The following LCMT1 variants were observed in gnomAD, a reference collection of about 807,000 sequenced individuals.
LCMT1 encodes the protein leucine carboxyl methyltransferase 1.
In LCMT1, 32 loss-of-function variants were observed where a neutral mutation model predicts 47.7. The ratio of observed to expected loss-of-function variants is 0.67; its 90% CI spans 0.51 to 0.90. The LOEUF (loss-of-function observed/expected upper bound fraction) is 0.90. Among genes scored for constraint, LCMT1 ranks in the 40% least tolerant of loss-of-function variants. The pLI is 0.00. For synonymous variants in LCMT1, 152 were observed against 149.7 expected (o/e 1.02, Z -0.11); for missense variants, 375 against 415.2 (o/e 0.90, Z 0.84).
intron 6 of LCMT1, among the ~76,000 whole-genome samples, chr16:25,163,358 A>T (rs1258986015): frequency 6.6e-6 from 1 of 151,608 alleles, no homozygotes; most frequent in Non-Finnish European, 1.5e-5. Context: ...AGTCCCAGCT[A>T]CTCGGGAGGC....
intron 4 of LCMT1, chr16:25,142,012 G>A (rs974232134): frequency 9.2e-5 from 14 of 152,256 alleles, no homozygotes; most frequent in African/African-American, 3.4e-4. Context: ...GGGACTTAAA[G>A]TACCTAACAT....
rs773868778 is a variant in LCMT1 at position 25,132,479 on chromosome 16, G to A, written c.283G>A (p.Val95Ile). Residue 95 changes from valine to isoleucine, a missense_variant, in exon 3 of 11, where the codon GTC becomes ATC. By Grantham distance (29) the Val-to-Ile change is conservative. Transcript: ENST00000399069. ...LRKTECHCQI[V>I]NLGAGMDTTF... ...GAAGACAGAATGTCATTGTCAAATT[G>A]TCAACCTTGGGGCAGGCATGGATAC... is the stretch of plus-strand genomic sequence containing the variant. The A allele has an allele frequency of 3.7e-6, 6 of 1,613,886 alleles. No homozygotes were observed. Among genetic ancestry groups the A allele is most frequent in the African/African-American group, 1.3e-5 (1 of 75,008 alleles).
chr16:25,162,194 G>A (rs1208200152), intron 6 of LCMT1, among the ~76,000 whole-genome samples: 4 of 152,130 alleles, frequency 2.6e-5, no homozygotes, highest in Admixed American at 6.5e-5. Flanking sequence ...TCTGGGAACC[G>A]AGTCCAGCTG....
intron 2 of LCMT1, among the ~76,000 whole-genome samples, 198 bp downstream of exon 2, chr16:25,128,764 A>C (rs372599196): frequency 1.3e-5 from 2 of 151,556 alleles, no homozygotes; most frequent in East Asian, 2.0e-4. Flanking sequence ...CTTTGCAGGG[A>C]CATGGATGAA....
At chr16:25,146,822 CCTT>C (rs1414077702) in intron 4 of LCMT1, 3 of 152,196 alleles carry the variant, frequency 2.0e-5, no homozygotes, top group Non-Finnish European at 4.4e-5. Context: ...ACTGGGATCT[CCTT>C]CTTTCTCTGG....
intron 6 of LCMT1, among the ~76,000 whole-genome samples, chr16:25,161,597 C>T (rs750483892): frequency 6.6e-6 from 1 of 152,038 alleles, no homozygotes; most frequent in Non-Finnish European, 1.5e-5. Flanking sequence ...TCAGGTGATC[C>T]GCCTGCCTTG....
At chr16:25,160,053 C>T (rs772223691) in intron 5 of LCMT1, among the ~76,000 whole-genome samples, 1 of 151,724 alleles carries the variant, frequency 6.6e-6, no homozygotes, top group African/African-American at 2.4e-5. Context: ...GCAACCTCCG[C>T]TTCCCAGGTT....
chr16:25,138,801 C>G (rs1960581233), intron 3 of LCMT1, among the ~76,000 whole-genome samples: 1 of 152,204 alleles, frequency 6.6e-6, no homozygotes, highest in Non-Finnish European at 1.5e-5. Context: ...CTTATTGTTA[C>G]AGCTCACAAG....
chr16:25,173,345 A>AT (rs1961829957), intron 9 of LCMT1, among the ~76,000 whole-genome samples: 1 of 152,128 alleles, frequency 6.6e-6, no homozygotes, highest in Non-Finnish European at 1.5e-5. Context: ...ATGGTACTGG[A>AT]TTTTTCTAGA....
intron 1 of LCMT1, among the ~76,000 whole-genome samples, chr16:25,116,897 CA>C (rs889909065): frequency 6.6e-6 from 1 of 150,684 alleles, no homozygotes; most frequent in Non-Finnish European, 1.5e-5. Flanking sequence ...TCTCAGAAAA[CA>C]AAAAAAAGAG....
At chr16:25,142,972 A>C (rs1037086703) in intron 4 of LCMT1, 5 of 152,130 alleles carry the variant, frequency 3.3e-5, no homozygotes, top group African/African-American at 7.2e-5. Context: ...AGTGGTCAGG[A>C]TCACCCAGTA....
At chr16:25,143,656 G>A (rs1053012412) in intron 4 of LCMT1, 1 of 152,210 alleles carries the variant, frequency 6.6e-6, no homozygotes, top group Admixed American at 6.5e-5. Flanking sequence ...TCCCAGATAA[G>A]TTCCCCTGTG....
At chr16:25,164,509 C>CCTGAGTTCCCTGGG in intron 6 of LCMT1, 89 bp from the exon 7 acceptor site, 1 of 1,521,924 alleles carries the variant, frequency 6.6e-7, no homozygotes, top group Non-Finnish European at 9.0e-7. Flanking sequence ...GGGCATGGAC[C>CCTGAGTTCCCTGGG]GCCCCACCAA....
Position 25,120,479 on chromosome 16 carries a change from C to T in LCMT1, c.114-7996C>T, listed in dbSNP as rs558038746. On this transcript the variant is annotated intron_variant, in intron 1 of 10. Coordinates refer to ENST00000399069, the MANE Select transcript of LCMT1 (RefSeq NM_016309.3). ...TCGCTCTGTCACCCAGGCTGGAGTA[C>T]AGTGGTGTGATCTCGGCTCACTGCA... 1.7e-4 allele frequency among the ~76,000 whole-genome samples: 25 copies of T among 150,954 alleles called. No homozygotes were observed. In the South Asian group the frequency reaches 5.2e-3, roughly 32 times the overall value.
rs746661358 is a variant in LCMT1 at position 25,132,398 on chromosome 16, CT to C, written c.206-3del. 19 of 1,613,460 alleles carry C rather than the reference CT, an allele frequency of 1.2e-5. No individual in the cohort carries two copies. In the East Asian group the frequency reaches 3.8e-4, roughly 32 times the overall value. ...CTTGTTTCTGTGCCTCCCCTCCCCC[CT>C]AGGATATTTTGCTCGAGTCCATGGT... On this transcript the variant is annotated splice_polypyrimidine_tract_variant and splice_region_variant and intron_variant, in intron 2 of 10. Transcript: ENST00000399069.
intron 2 of LCMT1, 42 bp downstream of exon 2, chr16:25,128,608 C>T (rs1374642399): frequency 6.9e-7 from 1 of 1,448,640 alleles, no homozygotes; most frequent in East Asian, 2.4e-5. Flanking sequence ...TCATCAGCTA[C>T]CTGAGGTTTT....
chr16:25,155,662 T>C (rs1156625369), intron 5 of LCMT1, among the ~76,000 whole-genome samples: 1 of 142,294 alleles, frequency 7.0e-6, no homozygotes, highest in Non-Finnish European at 1.5e-5. Context: ...TTACTTTCTT[T>C]TCTTTCTTTC....
chr16:25,148,484 A>C (rs1960945998), intron 4 of LCMT1, among the ~76,000 whole-genome samples: 1 of 152,214 alleles, frequency 6.6e-6, no homozygotes, highest in Non-Finnish European at 1.5e-5. Flanking sequence ...GAAGATTGTC[A>C]ACTATTGGGT....
chr16:25,114,719 T>A (rs920650455), intron 1 of LCMT1, among the ~76,000 whole-genome samples: 7 of 152,154 alleles, frequency 4.6e-5, no homozygotes, highest in African/African-American at 1.4e-4. Context: ...CCCTGACCTT[T>A]CCTCAGGGAT....
Sources: gnomAD v4.1 joint callset for allele counts (sites outside exome capture counted in the v4.1 genomes callset) on GRCh38, gnomAD v4.1.1 for gene constraint, MANE v1.5 for transcripts, NCBI Gene and HGNC (gene_info 2026-07-23, HGNC 2026-07-21) for gene names.